The following INTS11 variants were observed in gnomAD, a reference collection of about 807,000 sequenced individuals.
INTS11 encodes the protein CPSF3-like protein.
Under a neutral mutation model 78.6 loss-of-function variants are expected in INTS11, and 77 were observed. The observed-to-expected ratio is 0.98, with a 90% CI of 0.81 to 1.18. INTS11 has a LOEUF of 1.18. Ranked by LOEUF, INTS11 falls within the 50% of genes most tolerant of loss-of-function variation. The pLI is 0.00. For synonymous variants in INTS11, 441 were observed against 326.9 expected (o/e 1.35, Z -3.77); for missense variants, 875 against 825.9 (o/e 1.06, Z -0.73).
chr1:1,312,213 G>GCCGGGGGCCCCCCCCCCCCCC lies in INTS11; in HGVS notation c.1607+12_1607+13insGGGGGGGGGGGGGGCCCCCGG. On this transcript the variant is annotated intron_variant, in intron 15 of 16. Transcript: ENST00000435064. Reference sequence around the variant, plus strand: ...CCCAAGGGAGTGGGGGGGGGGCGGGGCCGGGCGCCCACCTCTTGAGGTGGC... The same window carrying GCCGGGGGCCCCCCCCCCCCCC: ...CCCAAGGGAGTGGGGGGGGGGCGGGGCCGGGGGCCCCCCCCCCCCCCCCGGGCGCCCACCTCTTGAGGTGGC... 1.1e-6 allele frequency: 1 copy of GCCGGGGGCCCCCCCCCCCCCC among 934,568 alleles called. No homozygotes were observed. 57.9% of individuals were successfully genotyped at this position (934,568 alleles called of 1,614,324 possible).
At chr1:1,317,738 C>G (rs1422780229) in intron 4 of INTS11, 5 of 152,140 alleles carry the variant, frequency 3.3e-5, no homozygotes, top group Non-Finnish European at 7.3e-5. Context: ...GCTGCCCATG[C>G]CCAGAGACAG....
At chr1:1,315,036 G>C (rs764467184) in intron 6 of INTS11, 74 bp from the exon 7 acceptor site, 17 of 1,566,810 alleles carry the variant, frequency 1.1e-5, no homozygotes, top group Non-Finnish European at 1.5e-5. Flanking sequence ...TGACAAGCTG[G>C]ACCCCAGTAC....
chr1:1,312,213 G>GCCGGGGGCCCCCCCCCCCCCCC lies in INTS11; in HGVS notation c.1607+12_1607+13insGGGGGGGGGGGGGGGCCCCCGG. ...CCCAAGGGAGTGGGGGGGGGGCGGG[G>GCCGGGGGCCCCCCCCCCCCCCC]CCGGGCGCCCACCTCTTGAGGTGGC... On this transcript the variant is annotated intron_variant, in intron 15 of 16. Coordinates refer to ENST00000435064, the MANE Select transcript of INTS11 (RefSeq NM_017871.6). 4.3e-6 allele frequency: 4 copies of GCCGGGGGCCCCCCCCCCCCCCC among 934,564 alleles called. No homozygotes were observed. The highest frequency in any genetic ancestry group is 6.3e-6 in the Non-Finnish European group (4 of 636,632). The allele number at this position is 934,564 out of a possible 1,614,324, so 57.9% of individuals were successfully genotyped here. A position where few individuals can be genotyped will look rare whatever the true frequency, so the allele number is the denominator to read the frequency against.
chr1:1,314,794 G>A lies in INTS11; in HGVS notation c.702+30C>T. On this transcript the variant is annotated intron_variant, in intron 7 of 16. Coordinates refer to ENST00000435064, the MANE Select transcript of INTS11 (RefSeq NM_017871.6). The surrounding 1 kb of genome is among the most constrained non-coding windows in gnomAD (Gnocchi z 4.2). ...GAAAGACCAGCCCAGCATGGCCGAG[G>A]GCCCATGTCCCCACCCCTGCTGCAG... The A allele has an allele frequency of 3.1e-6, 5 of 1,597,256 alleles. No individual in the cohort carries two copies. Among genetic ancestry groups the A allele is most frequent in the Non-Finnish European group, 4.3e-6 (5 of 1,167,806 alleles).
In INTS11 at chr1:1,319,428, G is replaced by T. The variant is rs1277272272; in HGVS notation, c.297C>A (p.Ile99=). The change falls in exon 4 of 17, where the codon ATC becomes ATA. Residue 99 remains isoleucine (I), a synonymous_variant. Coordinates refer to ENST00000435064, the MANE Select transcript of INTS11 (RefSeq NM_017871.6). ...PIYMTHPTQA[I]CPILLEDYRK... is the part of the protein sequence containing the mutation. ...GGTAGTCCTCCAGCAAGATGGGGCA[G>T]ATGGCCTGGGTGGGGTGAGTCATGT... 6.2e-7 allele frequency: 1 copy of T among 1,613,118 alleles called. No homozygotes were observed. Among genetic ancestry groups the T allele is most frequent in the Non-Finnish European group, 8.5e-7 (1 of 1,179,862 alleles).
Position 1,319,580 on chromosome 1 carries a change from C to G in INTS11, c.201-56G>C, listed in dbSNP as rs558670818. 17 of 1,310,152 alleles carry G rather than the reference C, an allele frequency of 1.3e-5. No individual in the cohort carries two copies. In the African/African-American group the frequency reaches 2.0e-4, roughly 16 times the overall value. 81.2% of individuals were successfully genotyped at this position (1,310,152 alleles called of 1,614,324 possible). A position where few individuals can be genotyped will look rare whatever the true frequency, so the allele number is the denominator to read the frequency against. The stretch of plus-strand genomic sequence containing the variant: ...CCCACCCTGCCCCAGCCTTCACCCC[C>G]GCTCTGGGCTTGTGGGTCACTGGCC... On this transcript the variant is annotated intron_variant, in intron 3 of 16. Transcript: ENST00000435064.
intron 1 of INTS11, among the ~76,000 whole-genome samples, chr1:1,322,221 C>T (rs969650507): frequency 3.3e-5 from 5 of 151,730 alleles, no homozygotes; most frequent in Admixed American, 6.6e-5. Context: ...GCATGGGGCC[C>T]GGGCTGGTTT....
chr1:1,313,275 GT>G, intron 10 of INTS11, 151 bp from the exon 11 acceptor site: 1 of 987,068 alleles, frequency 1.0e-6, no homozygotes, highest in Non-Finnish European at 1.5e-6. Flanking sequence ...AAGGGCTCAG[GT>G]TTTGGCACAA....
At position 1,312,711 on chromosome 1, in the gene INTS11, G is replaced by A. The variant is rs1642298666; in HGVS notation, c.1295-11C>T. The A allele has an allele frequency of 6.3e-7, 1 of 1,590,530 alleles. No homozygotes were observed. The highest frequency in any genetic ancestry group is 8.6e-7 in the Non-Finnish European group (1 of 1,165,280). ...TGTAGCAGTTGACCCCTGGACCCCG[G>A]GGGAAGAGAGAGCCTCAGCCCAGGC... On this transcript the variant is annotated splice_polypyrimidine_tract_variant and intron_variant, in intron 12 of 16. Transcript: ENST00000435064.
chr1:1,317,248 A>T (rs1214743159), intron 4 of INTS11: 1 of 149,026 alleles, frequency 6.7e-6, no homozygotes, highest in Non-Finnish European at 1.5e-5. Context: ...TACAAAATTA[A>T]CTGGGTGTGG....
At chr1:1,321,895 G>A in intron 1 of INTS11, 4 of 800,936 alleles carry the variant, frequency 5.0e-6, no homozygotes, top group Non-Finnish European at 7.2e-6. Context: ...TTTTCCCCTT[G>A]AATCCCACCC....
chr1:1,323,741 T>G (rs1165753921), intron 1 of INTS11, among the ~76,000 whole-genome samples: 1 of 149,312 alleles, frequency 6.7e-6, no homozygotes, highest in Non-Finnish European at 1.5e-5. Context: ...CATATTTGCG[T>G]TTTTTGCTAT....
At chr1:1,320,956 G>T in intron 2 of INTS11, 40 bp downstream of exon 2, 1 of 1,566,022 alleles carries the variant, frequency 6.4e-7, no homozygotes, top group Non-Finnish European at 8.8e-7. Flanking sequence ...GTGGATGGCC[G>T]GCTCTCCCAG....
At chr1:1,323,176 C>T (rs1287688807) in intron 1 of INTS11, 2 of 1,550,194 alleles carry the variant, frequency 1.3e-6, no homozygotes, top group Admixed American at 2.0e-5. Flanking sequence ...CGAGGAAGCG[C>T]TCACGCCATG....
chr1:1,323,725 G>A (rs1344353025), intron 1 of INTS11, among the ~76,000 whole-genome samples: 1 of 150,432 alleles, frequency 6.6e-6, no homozygotes, highest in Non-Finnish European at 1.5e-5. Flanking sequence ...AGGACTTTTA[G>A]GAGTACATAT....
rs1376248318 is a variant in INTS11, at chr1:1,312,330, C to T, written c.1503G>A (p.Glu501=). 4 of 1,557,872 alleles carry T rather than the reference C, an allele frequency of 2.6e-6. No individual in the cohort carries two copies. The highest frequency in any genetic ancestry group is 3.5e-6 in the Non-Finnish European group (4 of 1,150,996). Residue 501 remains glutamate, a synonymous_variant, in exon 15 of 17, where the codon GAG becomes GAA. Coordinates refer to ENST00000435064, the MANE Select transcript of INTS11 (RefSeq NM_017871.6). ...RLVSSEQALK[E]LGLAEHQLRF... is the part of the protein sequence containing the mutation. Reference sequence around the variant, plus strand: ...GCAGCTGGTGCTCAGCCAGACCCAGCTCTTTGAGGGCTTGCTCTGAGGACA... The same window carrying T: ...GCAGCTGGTGCTCAGCCAGACCCAGTTCTTTGAGGGCTTGCTCTGAGGACA...
chr1:1,312,404 G>A (rs375326188), intron 14 of INTS11, 36 bp from the exon 15 acceptor site: 120 of 1,565,188 alleles, frequency 7.7e-5, no homozygotes, highest in South Asian at 1.8e-4. Context: ...GCGCAGCAGC[G>A]GCCCTCCCCC....
chr1:1,323,611 A>G (rs1321100923), intron 1 of INTS11, among the ~76,000 whole-genome samples: 1 of 149,044 alleles, frequency 6.7e-6, no homozygotes. Flanking sequence ...GGGTCTTGCC[A>G]TGTTGGCTAG....
At chr1:1,316,939 A>C (rs1642647221) in intron 4 of INTS11, 2 of 151,950 alleles carry the variant, frequency 1.3e-5, no homozygotes, top group African/African-American at 2.4e-5. Context: ...AAAATAAATA[A>C]ATAAAATTGA....
Sources: allele counts gnomAD v4.1 joint callset (sites outside exome capture counted in the v4.1 genomes callset), GRCh38; gene constraint gnomAD v4.1.1; non-coding constraint Gnocchi (gnomAD v3.1); transcripts MANE v1.5; gene names NCBI Gene and HGNC (gene_info 2026-07-23, HGNC 2026-07-21).